Variants in CRTAP observed in about 807,000 individuals in gnomAD.
CRTAP encodes the protein cartilage associated protein.
A neutral mutation model predicts 42.7 loss-of-function variants in CRTAP; 33 were observed. That is an observed-to-expected ratio of 0.77 (90% CI 0.59 to 1.03). CRTAP has a LOEUF of 1.03. Ranked by LOEUF, CRTAP falls within the 50% of genes least tolerant of loss-of-function variation. The pLI, the probability that CRTAP is intolerant of heterozygous loss-of-function variation, is 0.00. For synonymous variants in CRTAP, 243 were observed against 217.7 expected (o/e 1.12, Z -1.02); for missense variants, 613 against 533.9 (o/e 1.15, Z -1.46).
rs1031007230 is a variant in CRTAP at position 33,114,055 on chromosome 3, C to T, written c.-23C>T. 1.4e-6 allele frequency: 2 copies of T among 1,449,362 alleles called. No individual in the cohort carries two copies. The highest frequency in any genetic ancestry group is 3.0e-5 in the African/African-American group (2 of 67,368). 89.8% of individuals were successfully genotyped at this position (1,449,362 alleles called of 1,614,324 possible). A position where few individuals can be genotyped will look rare whatever the true frequency, so the allele number is the denominator to read the frequency against. ...CCCTTTTCCCTTCCTTCGTCCCTTCCTTCCTTCCTTTCGCCGGGCGCGATG... is the reference window on the plus strand; with the variant it reads ...CCCTTTTCCCTTCCTTCGTCCCTTCTTTCCTTCCTTTCGCCGGGCGCGATG... On this transcript the variant is annotated 5_prime_UTR_variant, in exon 1 of 7. Coordinates refer to ENST00000320954, the MANE Select transcript of CRTAP (RefSeq NM_006371.5).
Position 33,115,676 on chromosome 3 carries a change from T to C in CRTAP, c.471+1128T>C, listed in dbSNP as rs374799358. On this transcript the variant is annotated intron_variant, in intron 1 of 6. Transcript: ENST00000320954. ...TTTTTAAAATTACTACAAAAATAGA[T>C]TCATGGCATATCCTAGACTCTTGAG... Among the ~76,000 whole-genome samples the C allele has an allele frequency of 4.6e-5, 7 of 152,102 alleles. No individual in the cohort carries two copies. The East Asian group carries it at 1.4e-3, about 29-fold the overall frequency.
intron 6 of CRTAP, among the ~76,000 whole-genome samples, chr3:33,136,769 T>C (rs550088029): frequency 6.6e-6 from 1 of 152,144 alleles, no homozygotes; most frequent in East Asian, 1.9e-4. Flanking sequence ...AGAACTCACT[T>C]ATTATCATGA....
chr3:33,139,501 A>C (rs928423348), intron 6 of CRTAP, among the ~76,000 whole-genome samples: 1 of 128,164 alleles, frequency 7.8e-6, no homozygotes, highest in African/African-American at 3.1e-5. Context: ...TTTGAGACGG[A>C]GTTTCACTCT....
intron 1 of CRTAP, 65 bp downstream of exon 1, chr3:33,114,613 C>G (rs1006755891): frequency 6.8e-7 from 1 of 1,468,962 alleles, no homozygotes; most frequent in African/African-American, 1.4e-5. Flanking sequence ...AGGCCCTAGC[C>G]CCGCCCCTGC....
At chr3:33,133,845 AT>A (rs1455730648) in intron 5 of CRTAP, among the ~76,000 whole-genome samples, 2 of 152,120 alleles carry the variant, frequency 1.3e-5, no homozygotes, top group African/African-American at 4.8e-5. Flanking sequence ...CATTCATTAT[AT>A]ATTACTTTCA....
intron 3 of CRTAP, among the ~76,000 whole-genome samples, chr3:33,127,844 T>C (rs1473020428): frequency 6.6e-6 from 1 of 152,118 alleles, no homozygotes; most frequent in Non-Finnish European, 1.5e-5. Flanking sequence ...TCTGCCGGGT[T>C]GAAGCAATTC....
At chr3:33,138,191 C>T (rs890628176) in intron 6 of CRTAP, among the ~76,000 whole-genome samples, 2 of 152,102 alleles carry the variant, frequency 1.3e-5, no homozygotes, top group Non-Finnish European at 1.5e-5. Flanking sequence ...AGTCCTCCAA[C>T]GTTGTTCTTC....
intron 4 of CRTAP, among the ~76,000 whole-genome samples, chr3:33,130,827 C>G (rs1016166246): frequency 6.6e-6 from 1 of 152,164 alleles, no homozygotes; most frequent in African/African-American, 2.4e-5. Flanking sequence ...AGCCACTGCG[C>G]CCGTCCTGTT....
intron 6 of CRTAP, among the ~76,000 whole-genome samples, 175 bp downstream of exon 6, chr3:33,134,440 G>T (rs569416298): frequency 3.9e-5 from 6 of 152,176 alleles, no homozygotes; most frequent in Non-Finnish European, 7.3e-5. Context: ...GGGAAAGAGC[G>T]GCTTTCTAGG....
intron 3 of CRTAP, among the ~76,000 whole-genome samples, chr3:33,129,607 G>A (rs1273739820): frequency 1.4e-5 from 2 of 140,622 alleles, no homozygotes; most frequent in African/African-American, 2.6e-5. Context: ...GCGCGATCTC[G>A]GCTCACTGCA....
intron 1 of CRTAP, 139 bp from the exon 2 acceptor site, chr3:33,120,205 G>A (rs2029865534): frequency 6.4e-6 from 5 of 784,714 alleles, no homozygotes; most frequent in South Asian, 5.7e-5. Context: ...GGTCTTGAGG[G>A]GCCCTGGAAG....
chr3:33,120,560 G>A, intron 2 of CRTAP, 67 bp downstream of exon 2: 2 of 1,552,796 alleles, frequency 1.3e-6, no homozygotes, highest in South Asian at 1.2e-5. Flanking sequence ...CTCTCCATAA[G>A]CAGCTGCTGA....
At chr3:33,126,377 C>T (rs1163159274) in intron 3 of CRTAP, among the ~76,000 whole-genome samples, 3 of 152,132 alleles carry the variant, frequency 2.0e-5, no homozygotes, top group Non-Finnish European at 2.9e-5. Context: ...TTTTTTGTCC[C>T]GTAGAGATTC....
chr3:33,135,444 T>C (rs1003739132), intron 6 of CRTAP, among the ~76,000 whole-genome samples: 2 of 152,118 alleles, frequency 1.3e-5, no homozygotes, highest in Non-Finnish European at 2.9e-5. Context: ...CTGGGCAACA[T>C]GGTAAAACCT....
intron 2 of CRTAP, 35 bp from the exon 3 acceptor site, chr3:33,124,373 A>G (rs1443196949): frequency 6.2e-7 from 1 of 1,612,914 alleles, no homozygotes; most frequent in African/African-American, 1.3e-5. Context: ...TTCACGCCCA[A>G]GAGCGAGCTT....
chr3:33,132,292 C>G (rs1268881432), intron 4 of CRTAP, among the ~76,000 whole-genome samples: 2 of 152,278 alleles, frequency 1.3e-5, no homozygotes, highest in Middle Eastern at 3.4e-3. Flanking sequence ...GAGACCAGCT[C>G]AGGTCACCAG....
rs1281998769 is a variant in CRTAP, at chr3:33,147,449, T to A, written c.*5001T>A. ...ACACAAATAGCTGGCTTTCGTTGCT[T>A]GTTGAATGAATGAGTGAGTTGGCTC... On this transcript the variant is annotated 3_prime_UTR_variant, in exon 7 of 7. Transcript: ENST00000320954. The A allele has an allele frequency of 6.6e-6, 1 of 152,612 alleles. No individual in the cohort carries two copies. The highest frequency in any genetic ancestry group is 2.4e-5 in the African/African-American group (1 of 41,470). 9.5% of individuals were successfully genotyped at this position (152,612 alleles called of 1,614,324 possible).
intron 3 of CRTAP, among the ~76,000 whole-genome samples, chr3:33,127,506 G>A (rs1474000079): frequency 3.3e-5 from 5 of 151,994 alleles, no homozygotes; most frequent in East Asian, 3.9e-4. Context: ...GGAGTGCAAC[G>A]GCGCGATCTC....
intron 1 of CRTAP, among the ~76,000 whole-genome samples, chr3:33,119,934 G>T (rs891366329): frequency 3.3e-5 from 5 of 152,180 alleles, no homozygotes; most frequent in Admixed American, 1.3e-4. Flanking sequence ...GGACATAGCA[G>T]CCCAAGAGGA....
Sources: allele counts gnomAD v4.1 joint callset (sites outside exome capture counted in the v4.1 genomes callset), GRCh38; gene constraint gnomAD v4.1.1; transcripts MANE v1.5; gene names NCBI Gene and HGNC (gene_info 2026-07-23, HGNC 2026-07-21).